GRM7: variants seen among roughly 807,000 people sequenced by gnomAD.
GRM7 encodes metabotropic glutamate receptor 7.
A neutral mutation model predicts 84.5 loss-of-function variants in GRM7; 35 were observed. The ratio of observed to expected loss-of-function variants is 0.41; its 90% CI spans 0.32 to 0.55. The LOEUF (loss-of-function observed/expected upper bound fraction) is 0.55, where lower values mean the gene tolerates loss of function less well. GRM7 is among the 20% of genes least tolerant of loss of function. The pLI is 0.19. For missense variants in GRM7, 1,003 were observed against 1,194.6 expected, an observed-to-expected ratio of 0.84 and a Z score of 2.36; for synonymous variants, 487 against 455.1, an observed-to-expected ratio of 1.07 and a Z score of -0.89.
At chr3:7,385,014 T>G (rs956394467) in intron 4 of GRM7, among the ~76,000 whole-genome samples, 1 of 152,176 alleles carries the variant, frequency 6.6e-6, no homozygotes, top group Non-Finnish European at 1.5e-5. Flanking sequence ...ATGAAACATA[T>G]TTCATGTGAA....
intron 1 of GRM7, among the ~76,000 whole-genome samples, chr3:7,142,443 A>G (rs1693976908): frequency 6.6e-6 from 1 of 152,048 alleles, no homozygotes; most frequent in African/African-American, 2.4e-5. Flanking sequence ...CTTCTTCACA[A>G]GGCGGCAGGA....
At chr3:7,147,373 A>G (rs1270857057) in intron 2 of GRM7, among the ~76,000 whole-genome samples, 1 of 152,178 alleles carries the variant, frequency 6.6e-6, no homozygotes, top group Non-Finnish European at 1.5e-5. Context: ...GTTTCCCCAT[A>G]TGGATGTATT....
chr3:6,877,511 C>G (rs544834648), intron 1 of GRM7, among the ~76,000 whole-genome samples: 42 of 152,268 alleles, frequency 2.8e-4, no homozygotes, highest in African/African-American at 1.0e-3. Context: ...CTTTTACATG[C>G]CAAGCAAGGG....
At chr3:7,226,005 G>A (rs1696969909) in intron 2 of GRM7, among the ~76,000 whole-genome samples, 2 of 152,148 alleles carry the variant, frequency 1.3e-5, no homozygotes, top group South Asian at 4.2e-4. Flanking sequence ...CCTTTCTTTG[G>A]TAAGGGAGTA....
intron 1 of GRM7, among the ~76,000 whole-genome samples, chr3:7,061,424 A>T (rs1697430475): frequency 6.6e-6 from 1 of 151,772 alleles, no homozygotes; most frequent in Admixed American, 6.6e-5. Flanking sequence ...GATGAGTAAA[A>T]GAGACACAGG....
intron 5 of GRM7, among the ~76,000 whole-genome samples, chr3:7,430,663 A>G (rs1246869538): frequency 2.0e-5 from 3 of 152,222 alleles, no homozygotes; most frequent in African/African-American, 7.2e-5. Context: ...AAATGTTCAC[A>G]TCGGCTTATT....
chr3:6,862,281 G>A lies in GRM7; in HGVS notation c.519+374G>A, dbSNP rs1302507787. 2.0e-5 allele frequency among the ~76,000 whole-genome samples: 3 copies of A among 152,226 alleles called. No individual in the cohort carries two copies. The highest frequency in any genetic ancestry group is 1.9e-4 in the East Asian group (1 of 5,140). On this transcript the variant is annotated intron_variant, in intron 1 of 9. Coordinates refer to ENST00000357716, the MANE Select transcript of GRM7 (RefSeq NM_000844.4). The surrounding 1 kb of genome is among the most constrained non-coding windows in gnomAD (Gnocchi z 5.2). ...GAGAGCTGGTTAGGAGAATGGAATA[G>A]GAAAGATGAGACGATGCCTGGAAAC...
At chr3:7,034,836 G>A (rs1373368909) in intron 1 of GRM7, among the ~76,000 whole-genome samples, 1 of 152,186 alleles carries the variant, frequency 6.6e-6, no homozygotes, top group Non-Finnish European at 1.5e-5. Context: ...ACTAGCTCAG[G>A]AGTGAAAGTG....
intron 9 of GRM7, among the ~76,000 whole-genome samples, chr3:7,698,369 A>G (rs1701101538): frequency 1.3e-5 from 2 of 152,224 alleles, no homozygotes; most frequent in Admixed American, 1.3e-4. Context: ...AATATGTATT[A>G]GCTCATTTAA....
At chr3:6,903,175 A>G (rs556506054) in intron 1 of GRM7, among the ~76,000 whole-genome samples, 19 of 151,078 alleles carry the variant, frequency 1.3e-4, no homozygotes, top group African/African-American at 3.6e-4. Context: ...AACAATGTAT[A>G]TGATCCATCT....
At chr3:6,969,088 GTTTTTTTTTTCTTTCTTGTGAGCCA>G (rs1693637490) in intron 1 of GRM7, among the ~76,000 whole-genome samples, 1 of 148,802 alleles carries the variant, frequency 6.7e-6, no homozygotes, top group African/African-American at 2.5e-5. Context: ...AAACCAGGGT[GTTTTTTTTTTCTTTCTTGTGAGCCA>G]GTAATTTAAA....
chr3:7,433,496 C>A (rs1460049288), intron 5 of GRM7, among the ~76,000 whole-genome samples: 1 of 152,212 alleles, frequency 6.6e-6, no homozygotes, highest in East Asian at 1.9e-4. Flanking sequence ...TTTTGTTAGG[C>A]CAGGTAGAAG....
intron 6 of GRM7, among the ~76,000 whole-genome samples, chr3:7,454,265 G>T (rs1183535733): frequency 6.6e-6 from 1 of 152,048 alleles, no homozygotes; most frequent in Non-Finnish European, 1.5e-5. Context: ...TAAAAGAGGT[G>T]GGTAGAGATA....
chr3:7,048,212 C>A (rs550661330), intron 1 of GRM7, among the ~76,000 whole-genome samples: 14 of 151,942 alleles, frequency 9.2e-5, no homozygotes, highest in Non-Finnish European at 2.1e-4. Flanking sequence ...TTTTCTTTCT[C>A]CTTATCCAAG....
Position 7,650,438 on chromosome 3 carries a change from A to G in GRM7, c.2452-29611A>G, listed in dbSNP as rs556880059. 2.6e-5 allele frequency among the ~76,000 whole-genome samples: 4 copies of G among 152,338 alleles called. No homozygotes were observed. The South Asian group carries it at 8.3e-4, about 32-fold the overall frequency. The stretch of plus-strand genomic sequence containing the variant: ...AGAACCCACTACTAGTTACTATACT[A>G]AAAAGATGGTACTTTGTGTCAGGCC... On this transcript the variant is annotated intron_variant, in intron 8 of 9. Coordinates refer to ENST00000357716, the MANE Select transcript of GRM7 (RefSeq NM_000844.4).
At chr3:7,717,571 T>A (rs887005321) in intron 9 of GRM7, among the ~76,000 whole-genome samples, 8 of 152,198 alleles carry the variant, frequency 5.3e-5, no homozygotes, top group African/African-American at 1.9e-4. Flanking sequence ...AACGGAAACC[T>A]GGATTCAAAT....
At chr3:7,123,948 A>C (rs1693310047) in intron 1 of GRM7, among the ~76,000 whole-genome samples, 1 of 152,118 alleles carries the variant, frequency 6.6e-6, no homozygotes, top group Non-Finnish European at 1.5e-5. Context: ...CCCTTTCAAA[A>C]TAAATTTTGT....
At chr3:6,919,826 C>G (rs1697064507) in intron 1 of GRM7, among the ~76,000 whole-genome samples, 1 of 152,040 alleles carries the variant, frequency 6.6e-6, no homozygotes, top group Non-Finnish European at 1.5e-5. Flanking sequence ...CTAAAACATA[C>G]TCCTTCCTTT....
intron 4 of GRM7, among the ~76,000 whole-genome samples, chr3:7,370,921 G>A (rs1391965): frequency 0.44 from 66,310 of 152,038 alleles, 14,575 homozygotes; most frequent in East Asian, 0.57. Context: ...TCAGGATTCA[G>A]TAAATTAATC....
Sources: allele counts gnomAD v4.1 joint callset (sites outside exome capture counted in the v4.1 genomes callset), GRCh38; gene constraint gnomAD v4.1.1; non-coding constraint Gnocchi (gnomAD v3.1); transcripts MANE v1.5; gene names NCBI Gene and HGNC (gene_info 2026-07-23, HGNC 2026-07-21).